PLCXD3: variants seen among roughly 807,000 people sequenced by gnomAD.
PLCXD3 encodes phosphatidylinositol specific phospholipase C X domain containing 3.
PLCXD3 carries 19 observed loss-of-function variants against 25.5 expected under a neutral mutation model. The ratio of observed to expected loss-of-function variants is 0.75; its 90% confidence interval spans 0.52 to 1.09. The LOEUF (loss-of-function observed/expected upper bound fraction) is 1.09. Among genes scored for constraint, PLCXD3 ranks in the 50% least tolerant of loss-of-function variants. The pLI is 0.00. For missense variants in PLCXD3, 411 were observed against 388.1 expected (o/e 1.06, Z -0.50); for synonymous variants, 174 against 137.6 (o/e 1.26, Z -1.85).
chr5:41,362,095 C>G (rs182034486), intron 2 of PLCXD3, among the ~76,000 whole-genome samples: 2 of 152,328 alleles, frequency 1.3e-5, no homozygotes, highest in East Asian at 3.9e-4. Flanking sequence ...ATCAGTGACA[C>G]TCTTTGGAAG....
intron 1 of PLCXD3, among the ~76,000 whole-genome samples, chr5:41,404,369 T>C (rs1308675997): frequency 6.6e-6 from 1 of 152,040 alleles, no homozygotes; most frequent in Admixed American, 6.6e-5. Context: ...TATTTTCTTA[T>C]GGTATAACTC....
intron 2 of PLCXD3, among the ~76,000 whole-genome samples, chr5:41,322,940 C>T (rs1205090737): frequency 6.7e-6 from 1 of 148,540 alleles, no homozygotes; most frequent in Non-Finnish European, 1.5e-5. Flanking sequence ...CACCACTGCA[C>T]TTCAGCCTGG....
chr5:41,450,547 C>T (rs962396553), intron 1 of PLCXD3, among the ~76,000 whole-genome samples: 35 of 152,190 alleles, frequency 2.3e-4, no homozygotes, highest in Non-Finnish European at 3.5e-4. Context: ...CTGATAGAAG[C>T]AGCTTGAAAG....
At chr5:41,462,494 G>A (rs1747913193) in intron 1 of PLCXD3, among the ~76,000 whole-genome samples, 1 of 151,972 alleles carries the variant, frequency 6.6e-6, no homozygotes, top group East Asian at 1.9e-4. Context: ...TACTATAGGA[G>A]TAATTACCTC....
At chr5:41,319,781 T>C (rs111863119) in intron 2 of PLCXD3, among the ~76,000 whole-genome samples, 16 of 151,768 alleles carry the variant, frequency 1.1e-4, no homozygotes, top group African/African-American at 3.1e-4. Flanking sequence ...ATAAATGCAA[T>C]TGAAATGAAA....
chr5:41,452,888 T>C (rs1218217580), intron 1 of PLCXD3, among the ~76,000 whole-genome samples: 2 of 152,070 alleles, frequency 1.3e-5, no homozygotes, highest in South Asian at 2.1e-4. Flanking sequence ...ATTTTTAATT[T>C]ACAAATAAAA....
At chr5:41,392,760 T>C (rs1367218686) in intron 1 of PLCXD3, among the ~76,000 whole-genome samples, 1 of 115,600 alleles carries the variant, frequency 8.7e-6, no homozygotes, top group Non-Finnish European at 2.0e-5. Flanking sequence ...TATGTGGCCT[T>C]TCAGATAGAA....
chr5:41,475,874 G>C (rs1748272789), intron 1 of PLCXD3, among the ~76,000 whole-genome samples: 2 of 152,166 alleles, frequency 1.3e-5, no homozygotes, highest in South Asian at 2.1e-4. Flanking sequence ...TTAAAGGAAG[G>C]GTCCAGGGGA....
At chr5:41,503,637 G>A (rs945728109) in intron 1 of PLCXD3, among the ~76,000 whole-genome samples, 1 of 152,048 alleles carries the variant, frequency 6.6e-6, no homozygotes, top group Admixed American at 6.5e-5. Flanking sequence ...AAAGCTTCTG[G>A]CAGCAAAATT....
At chr5:41,451,641 C>CT (rs977847427) in intron 1 of PLCXD3, among the ~76,000 whole-genome samples, 109 of 148,144 alleles carry the variant, frequency 7.4e-4, no homozygotes, top group Admixed American at 1.1e-3. Context: ...TTTCCTCTCT[C>CT]TTTTTTTTTT....
At chr5:41,448,491 T>C (rs141384877) in intron 1 of PLCXD3, among the ~76,000 whole-genome samples, 67 of 152,360 alleles carry the variant, frequency 4.4e-4, no homozygotes, top group African/African-American at 1.6e-3. Context: ...AAATAAATCT[T>C]ACAAAATACC....
At position 41,307,817 on chromosome 5, in the gene PLCXD3, G is replaced by T. The variant is rs914387110; in HGVS notation, c.*5800C>A. 3 of 152,108 alleles carry T rather than the reference G, an allele frequency of 2.0e-5. No individual in the cohort carries two copies. Among genetic ancestry groups the T allele is most frequent in the African/African-American group, 7.2e-5 (3 of 41,428 alleles). 9.4% of individuals were successfully genotyped at this position (152,108 alleles called of 1,614,324 possible). ...TTTGTTATCTCTCTGAAAGAAAAAA[G>T]AAATTGAATTTAAAAGAGGTCCTGG... On this transcript the variant is annotated 3_prime_UTR_variant, in exon 3 of 3. Coordinates refer to ENST00000377801, the MANE Select transcript of PLCXD3 (RefSeq NM_001005473.3).
rs1174918720 is a variant in PLCXD3 at position 41,311,213 on chromosome 5, G to T, written c.*2404C>A. ...AGTCTGCCCAAAAACCAAATTTACG[G>T]GACATACATTTCAATAATCCTAATC... On this transcript the variant is annotated 3_prime_UTR_variant, in exon 3 of 3. Coordinates refer to ENST00000377801, the MANE Select transcript of PLCXD3 (RefSeq NM_001005473.3). 6.6e-6 allele frequency: 1 copy of T among 151,832 alleles called. No homozygotes were observed. The highest frequency in any genetic ancestry group is 6.6e-5 in the Admixed American group (1 of 15,220). The allele number at this position is 151,832 out of a possible 1,614,324, so 9.4% of individuals were successfully genotyped here. A position where few individuals can be genotyped will look rare whatever the true frequency, so the allele number is the denominator to read the frequency against.
rs116030661 is a variant in PLCXD3 at position 41,405,992 on chromosome 5, A to G, written c.104-23458T>C. Among the ~76,000 whole-genome samples the G allele has an allele frequency of 5.4e-3, 818 of 152,286 alleles. 6 individuals carry two copies. Among genetic ancestry groups the G allele is most frequent in the African/African-American group, 0.018 (768 of 41,562 alleles). On this transcript the variant is annotated intron_variant, in intron 1 of 2. Transcript: ENST00000377801. Reference sequence around the variant, plus strand: ...GACTTCATTCTTAAGTCTCAGCACAAAGCTTGGTAGACATAAGTTTATTCT... The same window carrying G: ...GACTTCATTCTTAAGTCTCAGCACAGAGCTTGGTAGACATAAGTTTATTCT...
intron 1 of PLCXD3, among the ~76,000 whole-genome samples, chr5:41,409,684 T>C (rs1580358151): frequency 6.6e-6 from 1 of 152,282 alleles, no homozygotes; most frequent in African/African-American, 2.4e-5. Context: ...ATAGAATCTG[T>C]CTTGTTCGCT....
intron 1 of PLCXD3, among the ~76,000 whole-genome samples, chr5:41,476,980 T>A (rs894012708): frequency 7.2e-5 from 11 of 152,316 alleles, no homozygotes; most frequent in East Asian, 3.9e-4. Context: ...GATAGTCATG[T>A]TTTTCTGTCA....
At chr5:41,402,626 CTG>C (rs1554047875) in intron 1 of PLCXD3, among the ~76,000 whole-genome samples, 1 of 151,774 alleles carries the variant, frequency 6.6e-6, no homozygotes, top group Non-Finnish European at 1.5e-5. Flanking sequence ...AATTTTCTAT[CTG>C]TTTTATTAAT....
At chr5:41,430,973 A>G (rs116625697) in intron 1 of PLCXD3, among the ~76,000 whole-genome samples, 423 of 152,294 alleles carry the variant, frequency 2.8e-3, no homozygotes, top group Non-Finnish European at 5.0e-3. Flanking sequence ...GAGCTGACCA[A>G]TTGGTCATCC....
At chr5:41,487,277 C>T (rs1748540536) in intron 1 of PLCXD3, among the ~76,000 whole-genome samples, 1 of 152,020 alleles carries the variant, frequency 6.6e-6, no homozygotes, top group Non-Finnish European at 1.5e-5. Context: ...AAGATCATTC[C>T]TTGGCTTGAA....
Sources: allele counts gnomAD v4.1 joint callset (sites outside exome capture counted in the v4.1 genomes callset), GRCh38; gene constraint gnomAD v4.1.1; transcripts MANE v1.5; gene names NCBI Gene and HGNC (gene_info 2026-07-23, HGNC 2026-07-21).